Variants in AOPEP observed in about 807,000 individuals in gnomAD.
The protein encoded by AOPEP is aminopeptidase O (putative).
A neutral mutation model predicts 98.1 loss-of-function variants in AOPEP; 77 were observed. The observed-to-expected ratio is 0.78, with a 90% confidence interval of 0.65 to 0.95. The LOEUF (loss-of-function observed/expected upper bound fraction) is 0.95, where lower values mean the gene tolerates loss of function less well. Ranked by LOEUF, AOPEP falls within the 40% of genes least tolerant of loss-of-function variation. The pLI is 0.00. For synonymous variants in AOPEP, 346 were observed against 365.3 expected (o/e 0.95, Z 0.60); for missense variants, 1,024 against 1,024.7 (o/e 1.00, Z 0.01).
chr9:95,006,986 C>G (rs1163014683), intron 13 of AOPEP, among the ~76,000 whole-genome samples: 1 of 150,424 alleles, frequency 6.6e-6, no homozygotes, highest in African/African-American at 2.5e-5. Flanking sequence ...ATTGAAGCCT[C>G]GGCCTCCCAG....
intron 2 of AOPEP, among the ~76,000 whole-genome samples, chr9:94,771,658 CTTCT>C (rs1840906847): frequency 1.3e-5 from 2 of 152,100 alleles, no homozygotes; most frequent in Admixed American, 1.3e-4. Context: ...AAATACGTTA[CTTCT>C]GTAACGTATT....
intron 11 of AOPEP, chr9:95,004,176 C>T (rs1312897511): frequency 4.4e-6 from 2 of 454,942 alleles, no homozygotes; most frequent in African/African-American, 2.0e-5. Context: ...CAACCCGACT[C>T]TCCGCCCCGG....
At chr9:95,023,830 A>G (rs1290552860) in intron 13 of AOPEP, among the ~76,000 whole-genome samples, 3 of 152,230 alleles carry the variant, frequency 2.0e-5, no homozygotes, top group African/African-American at 7.2e-5. Context: ...AAATGGGTCC[A>G]GTGTTTGTCC....
the AOPEP span, chr9:95,123,804 G>T: frequency 1.4e-6 from 1 of 693,924 alleles, no homozygotes; most frequent in South Asian, 1.4e-5. Flanking sequence ...CACAAGGACT[G>T]AACACCCCTA....
rs575396151 is a variant in AOPEP at position 94,943,372 on chromosome 9, TC to T, written c.1662-11804del. On this transcript the variant is annotated intron_variant, in intron 7 of 16. Coordinates refer to ENST00000375315, the MANE Select transcript of AOPEP (RefSeq NM_001193329.3). ...ACTTTGGGAGGCTGAGGTGGGCAGATCACTTAAGGTCAGGAGTTCAAGACCA... is the reference window on the plus strand; with the variant it reads ...ACTTTGGGAGGCTGAGGTGGGCAGATACTTAAGGTCAGGAGTTCAAGACCA... 5.9e-5 allele frequency among the ~76,000 whole-genome samples: 9 copies of T among 152,064 alleles called. No homozygotes were observed. The South Asian group carries it at 1.7e-3, about 28-fold the overall frequency.
intron 13 of AOPEP, among the ~76,000 whole-genome samples, chr9:95,013,983 C>G (rs1482842707): frequency 6.6e-6 from 1 of 151,996 alleles, no homozygotes; most frequent in Admixed American, 6.5e-5. Flanking sequence ...CTTTATTTTC[C>G]TTGTCTGTAA....
chr9:95,039,085 A>T (rs1461890208), intron 13 of AOPEP, among the ~76,000 whole-genome samples: 6 of 152,202 alleles, frequency 3.9e-5, no homozygotes, highest in Non-Finnish European at 7.3e-5. Flanking sequence ...CAGAAGTCAA[A>T]TGGAACACAT....
At chr9:95,127,662 G>T in the AOPEP span, among the ~76,000 whole-genome samples, 1 of 152,214 alleles carries the variant, frequency 6.6e-6, no homozygotes, top group African/African-American at 2.4e-5. Context: ...ATTCAAGTCA[G>T]AGTGCATTTG....
intron 7 of AOPEP, among the ~76,000 whole-genome samples, chr9:94,936,654 T>G (rs1364748127): frequency 2.0e-5 from 3 of 152,136 alleles, no homozygotes; most frequent in Non-Finnish European, 4.4e-5. Context: ...GTCCTCTAAT[T>G]CAGTTTAATT....
the AOPEP span, chr9:95,150,171 T>C: frequency 6.9e-7 from 1 of 1,443,090 alleles, no homozygotes; most frequent in Non-Finnish European, 9.7e-7. Context: ...GCTAAAAAGG[T>C]CAAAGACAGA....
At chr9:94,750,668 G>C (rs1835499441) in intron 1 of AOPEP, among the ~76,000 whole-genome samples, 1 of 152,040 alleles carries the variant, frequency 6.6e-6, no homozygotes, top group South Asian at 2.1e-4. Context: ...TCCATTACTG[G>C]AATGCTAAAC....
At chr9:94,801,084 A>G in intron 5 of AOPEP, 82 bp downstream of exon 5, 1 of 1,497,080 alleles carries the variant, frequency 6.7e-7, no homozygotes. Context: ...GAGCTCTGTC[A>G]GAGCAGTCAT....
chr9:95,025,293 T>G (rs542032757), intron 13 of AOPEP, among the ~76,000 whole-genome samples: 1 of 152,316 alleles, frequency 6.6e-6, no homozygotes, highest in African/African-American at 2.4e-5. Flanking sequence ...CAGAGGCCAT[T>G]ACATATGCTG....
At chr9:94,931,480 T>A (rs1260569376) in intron 7 of AOPEP, among the ~76,000 whole-genome samples, 1 of 152,214 alleles carries the variant, frequency 6.6e-6, no homozygotes, top group Non-Finnish European at 1.5e-5. Context: ...TTTCGTTTAC[T>A]CCCATCCCCT....
intron 11 of AOPEP, among the ~76,000 whole-genome samples, chr9:94,989,394 G>A (rs368880595): frequency 3.2e-4 from 49 of 151,910 alleles, no homozygotes; most frequent in Admixed American, 1.6e-3. Flanking sequence ...GGGCCACCGC[G>A]CCCAGCTAAT....
chr9:95,059,350 T>G (rs2067114664), intron 13 of AOPEP, among the ~76,000 whole-genome samples: 1 of 152,162 alleles, frequency 6.6e-6, no homozygotes, highest in Non-Finnish European at 1.5e-5. Context: ...CATTGGTGTC[T>G]TGTCTCCTTT....
chr9:94,955,761 GA>G, intron 8 of AOPEP, 146 bp from the exon 9 acceptor site: 1 of 571,620 alleles, frequency 1.7e-6, no homozygotes, highest in Non-Finnish European at 3.1e-6. Flanking sequence ...CCTTCCTGGT[GA>G]AAATGGAAAG....
At chr9:95,118,764 CAGA>C in the AOPEP span, among the ~76,000 whole-genome samples, 1 of 152,204 alleles carries the variant, frequency 6.6e-6, no homozygotes, top group Non-Finnish European at 1.5e-5. Flanking sequence ...TTTTATTGCT[CAGA>C]AGTAGTCTGA....
chr9:95,095,071 C>A, the AOPEP span, among the ~76,000 whole-genome samples: 1 of 152,250 alleles, frequency 6.6e-6, no homozygotes, highest in Non-Finnish European at 1.5e-5. Context: ...ACATGGCGTC[C>A]AGGATTTCCT....
Sources: allele counts gnomAD v4.1 joint callset (sites outside exome capture counted in the v4.1 genomes callset), GRCh38; gene constraint gnomAD v4.1.1; transcripts MANE v1.5; gene names NCBI Gene and HGNC (gene_info 2026-07-23, HGNC 2026-07-21).